Variants in SPTLC1 observed in about 807,000 individuals in gnomAD.
SPTLC1 encodes the protein serine palmitoyltransferase 1.
In SPTLC1, 55 loss-of-function variants were observed where a neutral mutation model predicts 68.9. The observed-to-expected ratio is 0.80, with a 90% CI of 0.64 to 1.00. The LOEUF is 1.00. SPTLC1 is among the 50% of genes least tolerant of loss of function. The pLI is 0.00. For missense variants in SPTLC1, 449 were observed against 573.1 expected, an observed-to-expected ratio of 0.78 and a Z score of 2.21; for synonymous variants, 197 against 201.6, an observed-to-expected ratio of 0.98 and a Z score of 0.19.
chr9:92,045,026 C>T (rs559607829), intron 12 of SPTLC1, among the ~76,000 whole-genome samples: 1 of 152,300 alleles, frequency 6.6e-6, no homozygotes, highest in South Asian at 2.1e-4. Flanking sequence ...ATTAATATTT[C>T]ACAAACCAAT....
intron 6 of SPTLC1, 53 bp downstream of exon 6, chr9:92,067,913 T>C: frequency 6.4e-7 from 1 of 1,563,776 alleles, no homozygotes; most frequent in Non-Finnish European, 8.8e-7. Flanking sequence ...TCTAAGACAG[T>C]CAGTATTATT....
intron 3 of SPTLC1, among the ~76,000 whole-genome samples, chr9:92,098,490 C>A (rs1835623631): frequency 6.6e-6 from 1 of 152,050 alleles, no homozygotes; most frequent in African/African-American, 2.4e-5. Context: ...CTTTCACTAT[C>A]AACAAAACAA....
intron 3 of SPTLC1, among the ~76,000 whole-genome samples, chr9:92,098,651 TCAGTA>T (rs1357295840): frequency 1.3e-5 from 2 of 151,386 alleles, no homozygotes; most frequent in African/African-American, 4.9e-5. Flanking sequence ...GATAAAACAA[TCAGTA>T]CAGTGCAAAA....
In SPTLC1 at chr9:92,115,372, G is replaced by T. The variant is rs1836416126; in HGVS notation, c.-2C>A. The T allele has an allele frequency of 6.2e-7, 1 of 1,613,102 alleles. No individual in the cohort carries two copies. Among genetic ancestry groups the T allele is most frequent in the African/African-American group, 1.3e-5 (1 of 74,950 alleles). On this transcript the variant is annotated 5_prime_UTR_variant, in exon 1 of 15. Transcript: ENST00000262554. The stretch of plus-strand genomic sequence containing the variant: ...CCACTGCTCCGTGGCGGTCGCCATA[G>T]TTAGCCGCTTCCTTCCGGAAGGCGG...
At chr9:92,041,716 G>A (rs1304693259) in intron 12 of SPTLC1, among the ~76,000 whole-genome samples, 1 of 152,090 alleles carries the variant, frequency 6.6e-6, no homozygotes, top group South Asian at 2.1e-4. Context: ...GATATAAAAA[G>A]TCAAATTAAA....
intron 5 of SPTLC1, among the ~76,000 whole-genome samples, chr9:92,071,360 A>G (rs1834482852): frequency 6.6e-6 from 1 of 152,186 alleles, no homozygotes; most frequent in African/African-American, 2.4e-5. Context: ...AGATCACGCC[A>G]TCGCACTCCA....
chr9:92,055,287 T>C, intron 8 of SPTLC1, 118 bp downstream of exon 8: 1 of 1,540,374 alleles, frequency 6.5e-7, no homozygotes, highest in South Asian at 1.2e-5. Flanking sequence ...CAAAATATGC[T>C]TATGAGGCCT....
At chr9:92,079,611 C>T in intron 5 of SPTLC1, 1 of 1,510,138 alleles carries the variant, frequency 6.6e-7, no homozygotes, top group Non-Finnish European at 9.2e-7. Context: ...CTCCCTCCAC[C>T]CCAGGCAATC....
At chr9:92,052,538 T>TA (rs1382805183) in intron 8 of SPTLC1, among the ~76,000 whole-genome samples, 37 of 152,018 alleles carry the variant, frequency 2.4e-4, no homozygotes, top group African/African-American at 8.2e-4. Flanking sequence ...ATTATTATTT[T>TA]TTTTTTTTTG....
chr9:92,059,116 T>G (rs78907908), intron 7 of SPTLC1, 63 bp downstream of exon 7: 61,449 of 1,566,618 alleles, frequency 0.039, 1,732 homozygotes, highest in South Asian at 0.11. Context: ...TACCATTTCA[T>G]ATATAATTTA....
chr9:92,038,745 AGCTCCAGCACT>A lies in SPTLC1; in HGVS notation c.1137-391_1137-381del, dbSNP rs533611304. Among the ~76,000 whole-genome samples the A allele has an allele frequency of 1.7e-4, 26 of 152,346 alleles. No homozygotes were observed. In the South Asian group the frequency reaches 5.0e-3, roughly 29 times the overall value. On this transcript the variant is annotated intron_variant, in intron 12 of 14. Transcript: ENST00000262554. ...GTGTTGGCTGCATGTGCCAGGGCCCAGCTCCAGCACTGCCTGCTGCTGGGGCCTTCTTCATC... is the reference window on the plus strand; with the variant it reads ...GTGTTGGCTGCATGTGCCAGGGCCCAGCCTGCTGCTGGGGCCTTCTTCATC...
At chr9:92,104,493 C>G in intron 3 of SPTLC1, 1 of 1,384,628 alleles carries the variant, frequency 7.2e-7, no homozygotes, top group Middle Eastern at 1.8e-4. Context: ...TGGTCTGGAG[C>G]CCCCCCCTCA....
intron 13 of SPTLC1, among the ~76,000 whole-genome samples, chr9:92,036,141 T>C (rs1833131713): frequency 6.6e-6 from 1 of 152,224 alleles, no homozygotes; most frequent in South Asian, 2.1e-4. Context: ...AAGATATATG[T>C]ATTTTTTCTA....
At chr9:92,049,825 G>T (rs1425432202) in intron 9 of SPTLC1, 135 bp downstream of exon 9, 34 of 728,740 alleles carry the variant, frequency 4.7e-5, no homozygotes, top group Non-Finnish European at 8.3e-5. Flanking sequence ...TCACTGAGGT[G>T]ACAGACACCA....
chr9:92,091,757 T>C (rs554366318), intron 3 of SPTLC1, among the ~76,000 whole-genome samples: 1 of 152,232 alleles, frequency 6.6e-6, no homozygotes, highest in Admixed American at 6.5e-5. Context: ...ATTAAACTCC[T>C]CAGTTAAAAA....
intron 5 of SPTLC1, chr9:92,079,493 A>C (rs1834800953): frequency 1.2e-6 from 2 of 1,612,258 alleles, no homozygotes; most frequent in East Asian, 4.5e-5. Flanking sequence ...GAAATCATAC[A>C]TTCATCAAAT....
chr9:92,033,719 C>A (rs1833050495), intron 14 of SPTLC1, among the ~76,000 whole-genome samples: 1 of 152,136 alleles, frequency 6.6e-6, no homozygotes, highest in Non-Finnish European at 1.5e-5. Flanking sequence ...CTATGCCTGG[C>A]TAATTTTTAC....
intron 7 of SPTLC1, among the ~76,000 whole-genome samples, chr9:92,057,139 TA>T (rs1833921091): frequency 6.6e-6 from 1 of 152,246 alleles, no homozygotes; most frequent in Non-Finnish European, 1.5e-5. Context: ...ACTGTAGTTT[TA>T]GGACCTGATT....
chr9:92,087,500 G>A (rs560447650), intron 3 of SPTLC1, among the ~76,000 whole-genome samples: 31 of 152,342 alleles, frequency 2.0e-4, no homozygotes, highest in African/African-American at 7.2e-4. Context: ...GAGTTTGCTA[G>A]AGGTCCACTC....
Sources: gnomAD v4.1 joint callset for allele counts (sites outside exome capture counted in the v4.1 genomes callset) on GRCh38, gnomAD v4.1.1 for gene constraint, MANE v1.5 for transcripts, NCBI Gene and HGNC (gene_info 2026-07-23, HGNC 2026-07-21) for gene names.